The following KCNIP4 variants were observed in gnomAD, a reference collection of about 807,000 sequenced individuals.
KCNIP4 encodes Kv channel-interacting protein 4.
A neutral mutation model predicts 34.0 loss-of-function variants in KCNIP4; 12 were observed. That is an observed-to-expected ratio of 0.35 (90% CI 0.23 to 0.57). The LOEUF (loss-of-function observed/expected upper bound fraction) is 0.57. Ranked by LOEUF, KCNIP4 falls within the 20% of genes least tolerant of loss-of-function variation. The pLI, the probability that KCNIP4 is intolerant of heterozygous loss-of-function variation, is 0.83. For synonymous variants in KCNIP4, 124 were observed against 102.2 expected (o/e 1.21, Z -1.29); for missense variants, 238 against 311.7 (o/e 0.76, Z 1.78).
chr4:21,621,769 G>A (rs1239639528), intron 1 of KCNIP4, among the ~76,000 whole-genome samples: 1 of 152,208 alleles, frequency 6.6e-6, no homozygotes, highest in East Asian at 1.9e-4. Flanking sequence ...GTCTGAAGCT[G>A]GTCTGCTAGA....
intron 1 of KCNIP4, among the ~76,000 whole-genome samples, chr4:21,880,313 A>C (rs1726391737): frequency 6.6e-6 from 1 of 152,202 alleles, no homozygotes; most frequent in Non-Finnish European, 1.5e-5. Flanking sequence ...CATGGTAAGC[A>C]AATCAGCAGA....
At chr4:21,313,776 A>G (rs991530029) in intron 1 of KCNIP4, among the ~76,000 whole-genome samples, 1 of 152,236 alleles carries the variant, frequency 6.6e-6, no homozygotes, top group Non-Finnish European at 1.5e-5. Flanking sequence ...TTGAAGGGTC[A>G]TCAAAACAAG....
At chr4:21,293,829 G>T (rs1442542189) in intron 1 of KCNIP4, among the ~76,000 whole-genome samples, 1 of 152,140 alleles carries the variant, frequency 6.6e-6, no homozygotes, top group Non-Finnish European at 1.5e-5. Flanking sequence ...AATGGGAAGG[G>T]GTCCATGCAT....
At chr4:21,914,995 A>G (rs946098567) in intron 1 of KCNIP4, among the ~76,000 whole-genome samples, 4 of 152,138 alleles carry the variant, frequency 2.6e-5, no homozygotes, top group Admixed American at 2.0e-4. Flanking sequence ...AAAGGTACGC[A>G]TTTGAAAAAA....
chr4:21,285,706 T>C (rs993141931), intron 1 of KCNIP4, among the ~76,000 whole-genome samples: 1 of 151,660 alleles, frequency 6.6e-6, no homozygotes. Context: ...CCAGGCATGG[T>C]AGTAGGTGTC....
chr4:21,405,090 C>T (rs565086854), intron 1 of KCNIP4, among the ~76,000 whole-genome samples: 1 of 152,316 alleles, frequency 6.6e-6, no homozygotes, highest in African/African-American at 2.4e-5. Flanking sequence ...CCTCTGACCT[C>T]TCCCAGGTCT....
At chr4:21,928,108 CTA>C (rs144162392) in intron 1 of KCNIP4, among the ~76,000 whole-genome samples, 5,177 of 142,750 alleles carry the variant, frequency 0.036, 293 homozygotes, top group African/African-American at 0.12. Flanking sequence ...CCAGATTAGA[CTA>C]TATATATATA....
intron 1 of KCNIP4, among the ~76,000 whole-genome samples, chr4:21,317,319 T>A (rs544195268): frequency 6.6e-6 from 1 of 152,304 alleles, no homozygotes; most frequent in African/African-American, 2.4e-5. Flanking sequence ...GAAATCATTT[T>A]TATTAACTAA....
chr4:21,000,231 C>T (rs1737988131), intron 1 of KCNIP4, among the ~76,000 whole-genome samples: 1 of 152,096 alleles, frequency 6.6e-6, no homozygotes, highest in Admixed American at 6.5e-5. Flanking sequence ...CAGACCAAAA[C>T]CACCATCCTC....
intron 1 of KCNIP4, among the ~76,000 whole-genome samples, chr4:21,343,854 C>T (rs1032653822): frequency 3.3e-5 from 5 of 152,110 alleles, no homozygotes; most frequent in African/African-American, 1.2e-4. Flanking sequence ...GTTCCAAGGG[C>T]TTTCTCTGTT....
At chr4:21,711,562 CTAAAA>C (rs1394864639) in intron 1 of KCNIP4, among the ~76,000 whole-genome samples, 6 of 152,020 alleles carry the variant, frequency 3.9e-5, no homozygotes, top group Non-Finnish European at 8.8e-5. Context: ...GAATATAAAA[CTAAAA>C]TGTGTAAAAA....
chr4:21,227,042 C>G (rs571248344), intron 1 of KCNIP4, among the ~76,000 whole-genome samples: 1 of 152,246 alleles, frequency 6.6e-6, no homozygotes, highest in Admixed American at 6.5e-5. Context: ...TCAGGGCATT[C>G]AGTAGAATTC....
At chr4:21,301,589 C>T (rs986950613) in intron 1 of KCNIP4, among the ~76,000 whole-genome samples, 2 of 152,152 alleles carry the variant, frequency 1.3e-5, no homozygotes, top group African/African-American at 2.4e-5. Flanking sequence ...AGGAAAGGAA[C>T]TCTCAGGCGA....
intron 1 of KCNIP4, among the ~76,000 whole-genome samples, chr4:21,105,257 C>G (rs1441971722): frequency 6.6e-6 from 1 of 151,594 alleles, no homozygotes; most frequent in Non-Finnish European, 1.5e-5. Flanking sequence ...TTCTTTGTAT[C>G]CTTTTTTATT....
At chr4:20,987,362 T>C (rs1007803703) in intron 1 of KCNIP4, among the ~76,000 whole-genome samples, 1 of 152,176 alleles carries the variant, frequency 6.6e-6, no homozygotes, top group Non-Finnish European at 1.5e-5. Flanking sequence ...ACTCACCCCT[T>C]TCTTTACATT....
intron 1 of KCNIP4, among the ~76,000 whole-genome samples, chr4:21,181,572 G>C (rs1260772319): frequency 6.6e-6 from 1 of 152,074 alleles, no homozygotes; most frequent in Admixed American, 6.6e-5. Flanking sequence ...GGTCATGGTT[G>C]ATACCATGGT....
chr4:20,831,014 T>C (rs945596608), intron 3 of KCNIP4, among the ~76,000 whole-genome samples: 7 of 152,194 alleles, frequency 4.6e-5, no homozygotes, highest in Non-Finnish European at 1.0e-4. Flanking sequence ...ACTTTTAGTA[T>C]TTGCCTCTGT....
At chr4:21,065,126 C>CA (rs1378690987) in intron 1 of KCNIP4, among the ~76,000 whole-genome samples, 1 of 152,186 alleles carries the variant, frequency 6.6e-6, no homozygotes, top group Non-Finnish European at 1.5e-5. Context: ...CACGTAGTCA[C>CA]ACCTTTCTTC....
chr4:21,020,652 A>G (rs1236180286), intron 1 of KCNIP4, among the ~76,000 whole-genome samples: 1 of 152,202 alleles, frequency 6.6e-6, no homozygotes, highest in African/African-American at 2.4e-5. Flanking sequence ...GGAATCTGGT[A>G]TCCAGAAGAA....
Sources: allele counts gnomAD v4.1 joint callset (sites outside exome capture counted in the v4.1 genomes callset), GRCh38; gene constraint gnomAD v4.1.1; transcripts MANE v1.5; gene names NCBI Gene and HGNC (gene_info 2026-07-23, HGNC 2026-07-21).